The following SEMA3A variants were observed in gnomAD, a reference collection of about 807,000 sequenced individuals.
SEMA3A encodes the protein semaphorin 3A.
A neutral mutation model predicts 97.9 loss-of-function variants in SEMA3A; 29 were observed. That is an observed-to-expected ratio of 0.30 (90% CI 0.22 to 0.40). The LOEUF (loss-of-function observed/expected upper bound fraction) is 0.40, where lower values mean the gene tolerates loss of function less well. Ranked by LOEUF, SEMA3A falls within the 10% of genes least tolerant of loss-of-function variation. SEMA3A has a pLI of 1.00. For synonymous variants in SEMA3A, 321 were observed against 323.7 expected (o/e 0.99, Z 0.09); for missense variants, 763 against 951.3 (o/e 0.80, Z 2.60).
intron 3 of SEMA3A, among the ~76,000 whole-genome samples, chr7:84,116,033 T>C (rs12707615): frequency 0.72 from 110,141 of 152,038 alleles, 40,379 homozygotes; most frequent in East Asian, 0.91. Context: ...TTTAATTGCA[T>C]GTGAGATGTA....
intron 4 of SEMA3A, among the ~76,000 whole-genome samples, chr7:84,066,127 A>G (rs1793480191): frequency 6.6e-6 from 1 of 151,766 alleles, no homozygotes; most frequent in African/African-American, 2.4e-5. Context: ...TACGCGAATC[A>G]ATAAATGTAA....
chr7:84,077,019 T>C (rs1263664551), intron 4 of SEMA3A, among the ~76,000 whole-genome samples: 1 of 152,122 alleles, frequency 6.6e-6, no homozygotes, highest in African/African-American at 2.4e-5. Context: ...GCAGATATCA[T>C]ATGCCTGCCA....
chr7:84,210,016 A>G (rs1201504090), intron 3 of SEMA3A, among the ~76,000 whole-genome samples: 2 of 152,150 alleles, frequency 1.3e-5, no homozygotes, highest in Non-Finnish European at 2.9e-5. Flanking sequence ...TACATGTTCA[A>G]TTTACATTAT....
At chr7:84,212,967 A>T (rs1385388453) in intron 3 of SEMA3A, among the ~76,000 whole-genome samples, 2 of 151,878 alleles carry the variant, frequency 1.3e-5, no homozygotes, top group East Asian at 3.9e-4. Context: ...TTATTTCTTA[A>T]TTTTTTCTTT....
chr7:84,329,300 T>C (rs1801853752), intron 2 of SEMA3A, among the ~76,000 whole-genome samples: 1 of 151,886 alleles, frequency 6.6e-6, no homozygotes. Flanking sequence ...AAAAGATGAG[T>C]TTTGAGATGT....
intron 3 of SEMA3A, among the ~76,000 whole-genome samples, chr7:84,206,171 T>G (rs1477785364): frequency 2.0e-5 from 3 of 152,206 alleles, no homozygotes; most frequent in African/African-American, 7.2e-5. Context: ...TGATTGACAC[T>G]ATGGCATTCT....
At chr7:84,416,868 A>G (rs1423588377) in intron 1 of SEMA3A, among the ~76,000 whole-genome samples, 2 of 152,176 alleles carry the variant, frequency 1.3e-5, no homozygotes, top group Non-Finnish European at 2.9e-5. Flanking sequence ...AACTTTCAGA[A>G]GAATAAAATG....
chr7:84,210,753 GTATT>G (rs1798606815), intron 3 of SEMA3A, among the ~76,000 whole-genome samples: 1 of 151,658 alleles, frequency 6.6e-6, no homozygotes, highest in Non-Finnish European at 1.5e-5. Context: ...TTTAGAAAAG[GTATT>G]TATTATTTAC....
At chr7:84,288,382 A>C (rs1380017699) in intron 3 of SEMA3A, among the ~76,000 whole-genome samples, 1 of 152,238 alleles carries the variant, frequency 6.6e-6, no homozygotes. Context: ...AATAGTCAGG[A>C]CATAAGATAT....
At chr7:83,963,424 T>G in intron 15 of SEMA3A, 77 bp from the exon 16 acceptor site, 1 of 1,472,004 alleles carries the variant, frequency 6.8e-7, no homozygotes, top group African/African-American at 1.4e-5. Flanking sequence ...TATTTGGAAA[T>G]TCAGGAGACA....
chr7:84,204,532 G>T (rs942203052), intron 3 of SEMA3A, among the ~76,000 whole-genome samples: 2 of 152,112 alleles, frequency 1.3e-5, no homozygotes, highest in Non-Finnish European at 1.5e-5. Context: ...AGAAAAATTA[G>T]TGACTCCGAA....
chr7:84,180,009 C>T (rs542984352), intron 1 of SEMA3A, among the ~76,000 whole-genome samples: 2 of 143,712 alleles, frequency 1.4e-5, no homozygotes, highest in African/African-American at 2.6e-5. Context: ...TGTTGTGGCG[C>T]GATCTCGGCT....
intron 3 of SEMA3A, among the ~76,000 whole-genome samples, chr7:84,122,457 C>G (rs1259372775): frequency 6.6e-6 from 1 of 152,026 alleles, no homozygotes; most frequent in Admixed American, 6.6e-5. Context: ...AAAAGCTAGT[C>G]AGGGCGTCTG....
intron 6 of SEMA3A, among the ~76,000 whole-genome samples, chr7:84,035,582 C>CT (rs1238998731): frequency 6.6e-6 from 1 of 151,900 alleles, no homozygotes; most frequent in Non-Finnish European, 1.5e-5. Flanking sequence ...CCCCTTAACT[C>CT]TGAGAAAAAT....
intron 15 of SEMA3A, among the ~76,000 whole-genome samples, chr7:83,969,831 G>A (rs1336259001): frequency 6.6e-6 from 1 of 152,138 alleles, no homozygotes; most frequent in African/African-American, 2.4e-5. Flanking sequence ...AGAAGAGAAA[G>A]AGAACTGAGA....
At chr7:84,120,434 G>C (rs373734127) in intron 3 of SEMA3A, among the ~76,000 whole-genome samples, 2 of 152,110 alleles carry the variant, frequency 1.3e-5, no homozygotes, top group African/African-American at 2.4e-5. Context: ...ATCAATACCA[G>C]GTATAAAGCA....
chr7:84,402,250 C>T (rs1048864751), intron 1 of SEMA3A, among the ~76,000 whole-genome samples: 2 of 152,106 alleles, frequency 1.3e-5, no homozygotes, highest in South Asian at 2.1e-4. Flanking sequence ...TGGAAAAATG[C>T]TCAACATCAT....
At chr7:84,454,713 T>C (rs1385933197) in intron 1 of SEMA3A, among the ~76,000 whole-genome samples, 2 of 151,978 alleles carry the variant, frequency 1.3e-5, no homozygotes, top group African/African-American at 4.8e-5. Flanking sequence ...AAAACCCTCA[T>C]TCATATTGTT....
At chr7:84,172,619 G>A (rs1797425284) in intron 1 of SEMA3A, among the ~76,000 whole-genome samples, 1 of 152,138 alleles carries the variant, frequency 6.6e-6, no homozygotes, top group South Asian at 2.1e-4. Context: ...GTAGAGACGG[G>A]GTTTCACTCT....
Sources: allele counts gnomAD v4.1 joint callset (sites outside exome capture counted in the v4.1 genomes callset), GRCh38; gene constraint gnomAD v4.1.1; transcripts MANE v1.5; gene names NCBI Gene and HGNC (gene_info 2026-07-23, HGNC 2026-07-21).